The following PPM1D variants were observed in gnomAD, a reference collection of about 807,000 sequenced individuals.
PPM1D encodes protein phosphatase 1D.
PPM1D carries 52 observed loss-of-function variants against 58.3 expected under a neutral mutation model. The observed-to-expected ratio is 0.89, with a 90% CI of 0.71 to 1.12. PPM1D has a LOEUF of 1.12. PPM1D is among the 50% of genes most tolerant of loss of function. The probability of loss-of-function intolerance (pLI) is 0.00; values close to 1 mark genes in which losing one functional copy is unlikely to be tolerated. For missense variants in PPM1D, 564 were observed against 777.2 expected (o/e 0.73, Z 3.26); for synonymous variants, 278 against 285.1 (o/e 0.98, Z 0.25).
chr17:60,659,744 G>A (rs1431294771), intron 5 of PPM1D, among the ~76,000 whole-genome samples: 1 of 152,176 alleles, frequency 6.6e-6, no homozygotes, highest in East Asian at 1.9e-4. Context: ...GAACATGCAG[G>A]CCTTAGCAAT....
In PPM1D at chr17:60,663,178, C is replaced by G. The variant is rs773313597; in HGVS notation, c.1444C>G (p.Leu482Val). ...EPLEENCAKA[L>V]TLRIHDSLNN... ...ACTTGAAGAAAATTGCGCTAAAGCC[C>G]TGACTTTAAGGATACATGATTCTTT... is the stretch of plus-strand genomic sequence containing the variant. The change falls in exon 6 of 6, where the codon CTG becomes GTG. Residue 482 changes from leucine (L) to valine (V), a missense_variant. Around this residue, in one of 7 missense-constraint regions of PPM1D, gnomAD observed 261 missense variants for 270.1 expected, o/e 0.97. Coordinates refer to ENST00000305921, the MANE Select transcript of PPM1D (RefSeq NM_003620.4). 4.8e-5 allele frequency: 78 copies of G among 1,614,024 alleles called. 1 individual carries two copies. The South Asian group carries it at 7.1e-4, about 15-fold the overall frequency.
At chr17:60,625,598 A>G (rs2030789988) in intron 2 of PPM1D, among the ~76,000 whole-genome samples, 1 of 152,260 alleles carries the variant, frequency 6.6e-6, no homozygotes, top group Non-Finnish European at 1.5e-5. Context: ...TGATACAGCC[A>G]TTAAAAATAA....
intron 2 of PPM1D, among the ~76,000 whole-genome samples, chr17:60,624,154 C>T (rs959369568): frequency 6.6e-6 from 1 of 152,086 alleles, no homozygotes; most frequent in Admixed American, 6.6e-5. Context: ...TACTGCAAAC[C>T]TTTCCAGTTA....
In PPM1D at chr17:60,656,499, TGG is replaced by T. The variant is rs2031441624; in HGVS notation, c.1018-98_1018-97del. The T allele has an allele frequency of 2.0e-6, 3 of 1,469,070 alleles. No homozygotes were observed. The African/African-American group carries it at 4.3e-5, about 21-fold the overall frequency. The allele number at this position is 1,469,070 out of a possible 1,614,324, so 91.0% of individuals were successfully genotyped here. A position where few individuals can be genotyped will look rare whatever the true frequency, so the allele number is the denominator to read the frequency against. On this transcript the variant is annotated intron_variant, in intron 4 of 5. Coordinates refer to ENST00000305921, the MANE Select transcript of PPM1D (RefSeq NM_003620.4). ...AAAAAAAAAAATTGGGAGCTTTGTT[TGG>T]GCCACAGCGAACACCAAATATTTAA...
At chr17:60,645,598 G>GTA (rs1320277300) in intron 3 of PPM1D, among the ~76,000 whole-genome samples, 7 of 131,024 alleles carry the variant, frequency 5.3e-5, no homozygotes, top group South Asian at 2.3e-4. Flanking sequence ...GTATATATAT[G>GTA]TATATATATG....
chr17:60,618,647 C>T (rs890076209), intron 1 of PPM1D, among the ~76,000 whole-genome samples: 5 of 152,132 alleles, frequency 3.3e-5, no homozygotes, highest in Non-Finnish European at 5.9e-5. Flanking sequence ...TAGTCTGTCT[C>T]ATTGATTTGA....
At chr17:60,610,407 G>C (rs999279321) in intron 1 of PPM1D, among the ~76,000 whole-genome samples, 1 of 152,090 alleles carries the variant, frequency 6.6e-6, no homozygotes, top group African/African-American at 2.4e-5. Context: ...CTTATGGATA[G>C]TATAAATATA....
intron 5 of PPM1D, among the ~76,000 whole-genome samples, chr17:60,660,920 G>C (rs924710289): frequency 3.9e-5 from 6 of 152,022 alleles, no homozygotes; most frequent in Non-Finnish European, 7.4e-5. Flanking sequence ...TTCTAAGAAA[G>C]TTGTATATTC....
intron 5 of PPM1D, among the ~76,000 whole-genome samples, chr17:60,658,885 G>A (rs1247746020): frequency 2.0e-5 from 3 of 152,014 alleles, no homozygotes; most frequent in African/African-American, 4.8e-5. Flanking sequence ...GCTTGAACCC[G>A]GGAGGTAGAG....
intron 1 of PPM1D, among the ~76,000 whole-genome samples, chr17:60,611,226 G>C (rs2143630958): frequency 6.6e-6 from 1 of 152,068 alleles, no homozygotes; most frequent in East Asian, 1.9e-4. Context: ...TCACCATGTT[G>C]GCTAGGCTAG....
chr17:60,648,122 A>G (rs780221353), intron 4 of PPM1D, 40 bp downstream of exon 4: 2 of 1,566,308 alleles, frequency 1.3e-6, no homozygotes, highest in African/African-American at 1.4e-5. Context: ...TTGTCTAAAC[A>G]TTGTTTTGGT....
At chr17:60,617,324 T>C (rs994684118) in intron 1 of PPM1D, among the ~76,000 whole-genome samples, 3 of 152,018 alleles carry the variant, frequency 2.0e-5, no homozygotes, top group Admixed American at 6.6e-5. Flanking sequence ...TTCACATTTA[T>C]TGTAGTAGAA....
intron 1 of PPM1D, among the ~76,000 whole-genome samples, chr17:60,609,013 C>T (rs946939189): frequency 6.6e-6 from 1 of 151,998 alleles, no homozygotes; most frequent in Non-Finnish European, 1.5e-5. Flanking sequence ...TCCCAAAGTG[C>T]TGGGATTACA....
chr17:60,657,722 G>T (rs531695127), intron 5 of PPM1D, among the ~76,000 whole-genome samples: 1 of 152,150 alleles, frequency 6.6e-6, no homozygotes, highest in South Asian at 2.1e-4. Context: ...AGATACAATG[G>T]AATGTTTTCA....
intron 3 of PPM1D, among the ~76,000 whole-genome samples, chr17:60,643,099 TA>T (rs1190910709): frequency 6.8e-6 from 1 of 147,654 alleles, no homozygotes; most frequent in Non-Finnish European, 1.5e-5. Flanking sequence ...CACAGTGACT[TA>T]TGTCTCTAAT....
At chr17:60,620,222 C>T (rs1472929819) in intron 1 of PPM1D, among the ~76,000 whole-genome samples, 2 of 152,108 alleles carry the variant, frequency 1.3e-5, no homozygotes, top group East Asian at 1.9e-4. Context: ...TGGTATTGAA[C>T]TCCTGACCTC....
At chr17:60,633,740 G>T in intron 2 of PPM1D, 113 bp from the exon 3 acceptor site, 1 of 1,122,074 alleles carries the variant, frequency 8.9e-7, no homozygotes, top group Non-Finnish European at 1.2e-6. Flanking sequence ...AAACACATAA[G>T]ACATTATTTT....
At chr17:60,603,871 A>G (rs1057450429) in intron 1 of PPM1D, among the ~76,000 whole-genome samples, 1 of 152,250 alleles carries the variant, frequency 6.6e-6, no homozygotes, top group Non-Finnish European at 1.5e-5. Context: ...CATATGTAGT[A>G]GGAAAAAGGA....
At chr17:60,636,924 A>C (rs576553214) in intron 3 of PPM1D, among the ~76,000 whole-genome samples, 1 of 150,766 alleles carries the variant, frequency 6.6e-6, no homozygotes, top group Non-Finnish European at 1.5e-5. Flanking sequence ...TGCCCACCTC[A>C]GCCTCCCAAA....
Sources: gnomAD v4.1 joint callset for allele counts (sites outside exome capture counted in the v4.1 genomes callset) on GRCh38, gnomAD v4.1.1 for gene constraint, gnomAD v4.1.1 regional missense constraint, MANE v1.5 for transcripts, NCBI Gene and HGNC (gene_info 2026-07-23, HGNC 2026-07-21) for gene names.